The following XRCC4 variants were observed in gnomAD, a reference collection of about 807,000 sequenced individuals.
XRCC4 encodes DNA repair protein XRCC4.
A neutral mutation model predicts 39.1 loss-of-function variants in XRCC4; 28 were observed. That is an observed-to-expected ratio of 0.72 (90% CI 0.53 to 0.98). XRCC4 has a LOEUF of 0.98. Ranked by LOEUF, XRCC4 falls within the 50% of genes least tolerant of loss-of-function variation. The probability of loss-of-function intolerance (pLI) is 0.00; values close to 1 mark genes in which losing one functional copy is unlikely to be tolerated. For synonymous variants in XRCC4, 123 were observed against 126.4 expected, an observed-to-expected ratio of 0.97 and a Z score of 0.18; for missense variants, 350 against 376.4, an observed-to-expected ratio of 0.93 and a Z score of 0.58.
At chr5:83,112,925 A>G (rs74332411) in intron 3 of XRCC4, among the ~76,000 whole-genome samples, 1 of 152,132 alleles carries the variant, frequency 6.6e-6, no homozygotes, top group Non-Finnish European at 1.5e-5. Flanking sequence ...CAGCCAAACC[A>G]TATCATTCCG....
chr5:83,346,583 A>C (rs953166523), intron 7 of XRCC4, among the ~76,000 whole-genome samples: 1 of 145,056 alleles, frequency 6.9e-6, no homozygotes, highest in Non-Finnish European at 1.5e-5. Flanking sequence ...ACATTAGGTA[A>C]AGTAAATGTT....
At chr5:83,214,745 G>A (rs1298681948) in intron 6 of XRCC4, among the ~76,000 whole-genome samples, 2 of 151,328 alleles carry the variant, frequency 1.3e-5, no homozygotes, top group African/African-American at 4.9e-5. Flanking sequence ...CTGAGGCAGG[G>A]AGAATGGCGT....
chr5:83,324,110 C>T (rs1325073795), intron 7 of XRCC4, among the ~76,000 whole-genome samples: 1 of 152,046 alleles, frequency 6.6e-6, no homozygotes, highest in East Asian at 1.9e-4. Context: ...TTCTTACCCC[C>T]ATGGAAATAC....
intron 3 of XRCC4, among the ~76,000 whole-genome samples, chr5:83,120,410 G>T (rs2112440649): frequency 6.6e-6 from 1 of 152,294 alleles, no homozygotes; most frequent in South Asian, 2.1e-4. Flanking sequence ...CCTCTTTGCA[G>T]TCAGGCTCCC....
intron 7 of XRCC4, among the ~76,000 whole-genome samples, chr5:83,345,800 A>G (rs1033156617): frequency 6.6e-6 from 1 of 152,248 alleles, no homozygotes; most frequent in East Asian, 1.9e-4. Context: ...TTTAACTCCT[A>G]TAAAGTTAAA....
chr5:83,116,357 G>A (rs1746709179), intron 3 of XRCC4, among the ~76,000 whole-genome samples: 1 of 152,106 alleles, frequency 6.6e-6, no homozygotes, highest in Admixed American at 6.5e-5. Flanking sequence ...ATACCTCTGG[G>A]AGTCAGGGTT....
chr5:83,115,465 A>G (rs1299869983), intron 3 of XRCC4, among the ~76,000 whole-genome samples: 3 of 152,082 alleles, frequency 2.0e-5, no homozygotes, highest in Admixed American at 2.0e-4. Context: ...AAACAAGATG[A>G]GATTTGGGTG....
At chr5:83,300,930 A>G (rs1417479587) in intron 7 of XRCC4, among the ~76,000 whole-genome samples, 2 of 152,152 alleles carry the variant, frequency 1.3e-5, no homozygotes, top group Non-Finnish European at 1.5e-5. Flanking sequence ...TTATGACTGC[A>G]TAGTATTCCA....
rs371045996 is a variant in XRCC4 at position 83,203,539 on chromosome 5, T to C, written c.483-13T>C. ...ACTGCATGACTAATTTGTTTACTTATTTACTTTTTTAGATTTGAAAAATGT... is the reference window on the plus strand; with the variant it reads ...ACTGCATGACTAATTTGTTTACTTACTTACTTTTTTAGATTTGAAAAATGT... On this transcript the variant is annotated splice_polypyrimidine_tract_variant and intron_variant, in intron 4 of 7. Transcript: ENST00000396027. The C allele has an allele frequency of 5.1e-6, 8 of 1,575,002 alleles. No individual in the cohort carries two copies. Among genetic ancestry groups the C allele is most frequent in the South Asian group, 2.4e-5 (2 of 81,940 alleles).
At chr5:83,262,959 C>A (rs1753813800) in intron 7 of XRCC4, among the ~76,000 whole-genome samples, 1 of 148,084 alleles carries the variant, frequency 6.8e-6, no homozygotes. Flanking sequence ...CGTCATCTAG[C>A]ATTAGGTATA....
chr5:83,229,559 T>C (rs780795765), intron 6 of XRCC4, among the ~76,000 whole-genome samples: 2 of 151,504 alleles, frequency 1.3e-5, no homozygotes, highest in Admixed American at 1.3e-4. Context: ...AAGGTTAAAA[T>C]TGAGTAGAAA....
At chr5:83,194,097 T>C (rs958258582) in intron 3 of XRCC4, among the ~76,000 whole-genome samples, 4 of 152,170 alleles carry the variant, frequency 2.6e-5, no homozygotes, top group African/African-American at 9.7e-5. Flanking sequence ...CATGTCTGGC[T>C]CATTTTTGTA....
At chr5:83,168,916 A>G (rs892890902) in intron 3 of XRCC4, among the ~76,000 whole-genome samples, 2 of 152,184 alleles carry the variant, frequency 1.3e-5, no homozygotes, top group Non-Finnish European at 2.9e-5. Flanking sequence ...CATATGATCT[A>G]AGAAAGAGGG....
intron 6 of XRCC4, among the ~76,000 whole-genome samples, 162 bp from the exon 7 acceptor site, chr5:83,258,368 G>A (rs552530127): frequency 2.0e-5 from 3 of 152,008 alleles, no homozygotes; most frequent in Admixed American, 6.6e-5. Flanking sequence ...GTATCATATG[G>A]CATCTAACTG....
intron 3 of XRCC4, among the ~76,000 whole-genome samples, chr5:83,147,148 G>T (rs1214754796): frequency 5.3e-5 from 8 of 152,156 alleles, no homozygotes; most frequent in African/African-American, 1.9e-4. Flanking sequence ...AATCCATGGG[G>T]TGTGGTGATG....
chr5:83,349,898 A>C (rs1427740627), intron 7 of XRCC4, among the ~76,000 whole-genome samples: 1 of 152,060 alleles, frequency 6.6e-6, no homozygotes, highest in African/African-American at 2.4e-5. Flanking sequence ...GTAGTTTTTC[A>C]ACCCATGACC....
At chr5:83,135,303 C>A (rs1485444615) in intron 3 of XRCC4, among the ~76,000 whole-genome samples, 1 of 152,152 alleles carries the variant, frequency 6.6e-6, no homozygotes, top group Non-Finnish European at 1.5e-5. Context: ...CTGTGTCGCT[C>A]ACACTGGGAG....
At chr5:83,196,966 C>G (rs1219172681) in intron 4 of XRCC4, among the ~76,000 whole-genome samples, 1 of 151,610 alleles carries the variant, frequency 6.6e-6, no homozygotes, top group Non-Finnish European at 1.5e-5. Flanking sequence ...GATTATTTTT[C>G]TGTACATTCA....
At chr5:83,358,553 G>T (rs534670751), downstream of XRCC4, among the ~76,000 whole-genome samples, 4 of 152,200 alleles carry the variant, frequency 2.6e-5, no homozygotes, top group African/African-American at 9.6e-5. Context: ...TCTTGGTTCT[G>T]CAGGGAAGTA....
Sources: gnomAD v4.1 joint callset for allele counts (sites outside exome capture counted in the v4.1 genomes callset) on GRCh38, gnomAD v4.1.1 for gene constraint, MANE v1.5 for transcripts, NCBI Gene and HGNC (gene_info 2026-07-23, HGNC 2026-07-21) for gene names.